TMTC2: variants seen among roughly 807,000 people sequenced by gnomAD.
TMTC2 encodes protein O-mannosyl-transferase TMTC2.
A neutral mutation model predicts 82.4 loss-of-function variants in TMTC2; 43 were observed. That is an observed-to-expected ratio of 0.52 (90% CI 0.41 to 0.67). The LOEUF (loss-of-function observed/expected upper bound fraction) is 0.67. TMTC2 is among the 30% of genes least tolerant of loss of function. The probability of loss-of-function intolerance (pLI) is 0.00; values close to 1 mark genes in which losing one functional copy is unlikely to be tolerated. For missense variants in TMTC2, 919 were observed against 1,012.4 expected, an observed-to-expected ratio of 0.91 and a Z score of 1.25; for synonymous variants, 408 against 381.9, an observed-to-expected ratio of 1.07 and a Z score of -0.80.
intron 11 of TMTC2, among the ~76,000 whole-genome samples, chr12:83,100,133 C>T (rs151247242): frequency 7.0e-4 from 107 of 151,840 alleles, no homozygotes; most frequent in African/African-American, 2.5e-3. Flanking sequence ...TTGGTCAGGC[C>T]GGTCTTGAAC....
chr12:82,887,956 G>A lies in TMTC2; in HGVS notation c.655-7862G>A, dbSNP rs139828281. On this transcript the variant is annotated intron_variant, in intron 2 of 11. Coordinates refer to ENST00000321196, the MANE Select transcript of TMTC2 (RefSeq NM_152588.3). Reference sequence around the variant, plus strand: ...TAGCCTGGCGTGGTGGCACATGCCTGTAATTCCACCTACTCAGGAGGCTGA... The same window carrying A: ...TAGCCTGGCGTGGTGGCACATGCCTATAATTCCACCTACTCAGGAGGCTGA... Among the ~76,000 whole-genome samples the A allele has an allele frequency of 8.8e-4, 134 of 152,226 alleles. 1 individual carries two copies. Among genetic ancestry groups the A allele is most frequent in the Non-Finnish European group, 1.5e-3 (102 of 68,012 alleles).
intron 1 of TMTC2, among the ~76,000 whole-genome samples, chr12:82,733,889 T>G (rs1282404380): frequency 6.6e-6 from 1 of 152,222 alleles, no homozygotes; most frequent in African/African-American, 2.4e-5. Flanking sequence ...TTCTTTCAAC[T>G]GTGTGCCAGG....
At chr12:82,951,750 G>A (rs1877359680) in intron 4 of TMTC2, among the ~76,000 whole-genome samples, 1 of 152,190 alleles carries the variant, frequency 6.6e-6, no homozygotes, top group Non-Finnish European at 1.5e-5. Context: ...CACAGCAAGT[G>A]TGTTAAGCAT....
At chr12:83,080,365 TTCTCTCTCTC>T (rs367851763) in intron 11 of TMTC2, among the ~76,000 whole-genome samples, 3 of 150,314 alleles carry the variant, frequency 2.0e-5, no homozygotes, top group South Asian at 4.2e-4. Context: ...AGATTCACCT[TTCTCTCTCTC>T]TCTCTCTCTC....
chr12:83,121,848 A>G (rs1592507693), intron 11 of TMTC2, among the ~76,000 whole-genome samples: 2 of 152,050 alleles, frequency 1.3e-5, no homozygotes, highest in African/African-American at 4.8e-5. Context: ...GGAGATAGGG[A>G]TGAGGTTCCC....
chr12:82,716,010 T>C (rs1353633814), intron 1 of TMTC2, among the ~76,000 whole-genome samples: 1 of 152,198 alleles, frequency 6.6e-6, no homozygotes, highest in Non-Finnish European at 1.5e-5. Context: ...GATCATCCAA[T>C]GTTACGTGAA....
At chr12:82,936,575 G>T (rs1271668480) in intron 4 of TMTC2, among the ~76,000 whole-genome samples, 1 of 151,918 alleles carries the variant, frequency 6.6e-6, no homozygotes, top group Non-Finnish European at 1.5e-5. Context: ...TTTGTGGTGG[G>T]ATATTTAATA....
At chr12:82,952,667 T>G (rs1877408622) in intron 4 of TMTC2, among the ~76,000 whole-genome samples, 1 of 152,078 alleles carries the variant, frequency 6.6e-6, no homozygotes, top group Admixed American at 6.6e-5. Flanking sequence ...TGCCTCAGCC[T>G]CCCTAGTAGC....
intron 8 of TMTC2, among the ~76,000 whole-genome samples, chr12:82,995,174 C>G (rs1201825273): frequency 6.6e-6 from 1 of 152,094 alleles, no homozygotes; most frequent in Non-Finnish European, 1.5e-5. Context: ...AGTATCGCTC[C>G]TTGTTAAAAC....
intron 11 of TMTC2, among the ~76,000 whole-genome samples, chr12:83,062,233 T>C (rs138299767): frequency 6.6e-5 from 10 of 151,918 alleles, no homozygotes; most frequent in African/African-American, 2.4e-4. Context: ...GACCTCAAGC[T>C]GTATGCCTCT....
At chr12:82,725,808 G>A (rs907783870) in intron 1 of TMTC2, among the ~76,000 whole-genome samples, 12 of 152,178 alleles carry the variant, frequency 7.9e-5, no homozygotes, top group African/African-American at 2.7e-4. Flanking sequence ...ACAATGGGTT[G>A]GGTTTGTCTA....
At chr12:82,903,956 G>T (rs1188508343) in intron 3 of TMTC2, among the ~76,000 whole-genome samples, 1 of 152,192 alleles carries the variant, frequency 6.6e-6, no homozygotes, top group Non-Finnish European at 1.5e-5. Flanking sequence ...AGAATCGGGA[G>T]TAGAGTTAGT....
intron 1 of TMTC2, among the ~76,000 whole-genome samples, chr12:82,710,047 A>G (rs1873551301): frequency 6.6e-6 from 1 of 152,232 alleles, no homozygotes; most frequent in Admixed American, 6.5e-5. Flanking sequence ...CAGCGCTTAC[A>G]TTATGTAAGG....
At chr12:82,776,022 G>A (rs963499084) in intron 1 of TMTC2, among the ~76,000 whole-genome samples, 7 of 151,936 alleles carry the variant, frequency 4.6e-5, no homozygotes, top group Admixed American at 3.9e-4. Context: ...GTGTGCACCC[G>A]TAAAACCCAA....
intron 1 of TMTC2, among the ~76,000 whole-genome samples, chr12:82,793,097 A>G (rs1565752559): frequency 6.6e-6 from 1 of 152,266 alleles, no homozygotes; most frequent in East Asian, 1.9e-4. Flanking sequence ...GCAGGGTTTA[A>G]TTACACGATG....
At chr12:82,984,026 AAAC>A (rs1271791827) in intron 7 of TMTC2, among the ~76,000 whole-genome samples, 1 of 152,136 alleles carries the variant, frequency 6.6e-6, no homozygotes, top group Non-Finnish European at 1.5e-5. Context: ...ATGAAAATAA[AAAC>A]AAAATTATTA....
intron 4 of TMTC2, among the ~76,000 whole-genome samples, chr12:82,945,545 T>C (rs1041837190): frequency 1.3e-5 from 2 of 152,236 alleles, no homozygotes; most frequent in African/African-American, 4.8e-5. Context: ...CCAGAAGCTT[T>C]CTGTTGTTCC....
intron 1 of TMTC2, among the ~76,000 whole-genome samples, chr12:82,813,491 C>G (rs968869285): frequency 6.6e-6 from 1 of 151,946 alleles, no homozygotes; most frequent in Non-Finnish European, 1.5e-5. Context: ...CTTTCTAAAC[C>G]CTTAACCATT....
intron 8 of TMTC2, among the ~76,000 whole-genome samples, chr12:83,020,029 C>T (rs537555163): frequency 6.6e-6 from 1 of 152,258 alleles, no homozygotes; most frequent in South Asian, 2.1e-4. Flanking sequence ...ACTTAGAATA[C>T]TTTTGTTTCT....
Sources: gnomAD v4.1 joint callset for allele counts (sites outside exome capture counted in the v4.1 genomes callset) on GRCh38, gnomAD v4.1.1 for gene constraint, MANE v1.5 for transcripts, NCBI Gene and HGNC (gene_info 2026-07-23, HGNC 2026-07-21) for gene names.